The following PTK2 variants were observed in gnomAD, a reference collection of about 807,000 sequenced individuals.
PTK2 encodes focal adhesion kinase 1.
In PTK2, 45 loss-of-function variants were observed where a neutral mutation model predicts 150.1. The observed-to-expected ratio is 0.30, with a 90% CI of 0.24 to 0.38. The LOEUF is 0.38. Ranked by LOEUF, PTK2 falls within the 10% of genes least tolerant of loss-of-function variation. The pLI, the probability that PTK2 is intolerant of heterozygous loss-of-function variation, is 1.00. For synonymous variants in PTK2, 432 were observed against 449.2 expected, an observed-to-expected ratio of 0.96 and a Z score of 0.48; for missense variants, 919 against 1,307.3, an observed-to-expected ratio of 0.70 and a Z score of 4.58.
At chr8:140,793,012 T>C (rs1189700304) in intron 13 of PTK2, among the ~76,000 whole-genome samples, 1 of 152,216 alleles carries the variant, frequency 6.6e-6, no homozygotes, top group African/African-American at 2.4e-5. Flanking sequence ...ATTATTTCTC[T>C]TTAATTTTCA....
At chr8:140,720,213 C>T (rs887648797) in intron 22 of PTK2, among the ~76,000 whole-genome samples, 2 of 151,988 alleles carry the variant, frequency 1.3e-5, no homozygotes, top group Admixed American at 6.6e-5. Context: ...AAAATAAATA[C>T]CTTTATATTT....
At chr8:140,980,064 C>T (rs2100190834) in intron 1 of PTK2, among the ~76,000 whole-genome samples, 1 of 152,186 alleles carries the variant, frequency 6.6e-6, no homozygotes, top group Non-Finnish European at 1.5e-5. Flanking sequence ...AGCCCTATAA[C>T]TCAGCAATCA....
intron 27 of PTK2, among the ~76,000 whole-genome samples, chr8:140,686,104 G>A (rs1202423536): frequency 1.3e-5 from 2 of 152,176 alleles, no homozygotes; most frequent in African/African-American, 4.8e-5. Flanking sequence ...GGAGCTAGAG[G>A]TCATTATCAT....
At chr8:140,798,605 C>CT (rs2100093093) in intron 12 of PTK2, among the ~76,000 whole-genome samples, 2 of 152,074 alleles carry the variant, frequency 1.3e-5, no homozygotes, top group Non-Finnish European at 2.9e-5. Flanking sequence ...AAGATGTTTA[C>CT]GTTTTAAACA....
chr8:140,754,505 T>C (rs1363675271), intron 16 of PTK2, among the ~76,000 whole-genome samples: 3 of 152,172 alleles, frequency 2.0e-5, no homozygotes, highest in Admixed American at 6.5e-5. Context: ...TGACCGAAAA[T>C]GTCCATTTTA....
intron 1 of PTK2, among the ~76,000 whole-genome samples, chr8:140,959,455 C>T (rs1465725279): frequency 2.0e-5 from 3 of 147,954 alleles, no homozygotes; most frequent in Non-Finnish European, 3.0e-5. Flanking sequence ...AAGAGAATGG[C>T]GTGAACCCAG....
At chr8:140,695,329 A>G (rs748981088) in intron 26 of PTK2, among the ~76,000 whole-genome samples, 4 of 150,994 alleles carry the variant, frequency 2.6e-5, no homozygotes, top group Admixed American at 2.0e-4. Flanking sequence ...TATTTGAATG[A>G]CCACTCAACT....
intron 2 of PTK2, among the ~76,000 whole-genome samples, chr8:140,919,359 A>C (rs899835061): frequency 6.6e-6 from 1 of 152,204 alleles, no homozygotes; most frequent in Non-Finnish European, 1.5e-5. Flanking sequence ...TGTTTCCATC[A>C]ATCACTTTGG....
At chr8:140,933,860 A>T (rs1416877162) in intron 1 of PTK2, among the ~76,000 whole-genome samples, 1 of 152,226 alleles carries the variant, frequency 6.6e-6, no homozygotes, top group African/African-American at 2.4e-5. Context: ...TCAATTTAAA[A>T]AAAAAGACAC....
intron 13 of PTK2, among the ~76,000 whole-genome samples, chr8:140,792,691 G>A (rs1178114134): frequency 6.6e-6 from 1 of 152,210 alleles, no homozygotes; most frequent in Non-Finnish European, 1.5e-5. Context: ...GGAGAAGAAG[G>A]AGAGGGACAG....
At chr8:140,768,858 T>C (rs1349305742) in intron 14 of PTK2, among the ~76,000 whole-genome samples, 3 of 152,196 alleles carry the variant, frequency 2.0e-5, no homozygotes, top group Non-Finnish European at 4.4e-5. Context: ...ATACTCGTTA[T>C]CAATATCTCT....
At chr8:140,784,879 C>T (rs1297095488) in intron 14 of PTK2, among the ~76,000 whole-genome samples, 1 of 152,224 alleles carries the variant, frequency 6.6e-6, no homozygotes, top group Admixed American at 6.5e-5. Flanking sequence ...ATATATTCAA[C>T]ATCAACTGTC....
At chr8:140,802,509 G>T (rs1470566500) in intron 11 of PTK2, among the ~76,000 whole-genome samples, 2 of 152,028 alleles carry the variant, frequency 1.3e-5, no homozygotes, top group Non-Finnish European at 2.9e-5. Context: ...ACTGAAAAAG[G>T]TTTTAAAAAT....
At chr8:140,669,480 G>A (rs1393192333) in intron 29 of PTK2, 2 of 486,572 alleles carry the variant, frequency 4.1e-6, no homozygotes, top group African/African-American at 3.9e-5. Flanking sequence ...TTAATTCTTG[G>A]TTGTTCCAAA....
chr8:140,903,548 T>C (rs2100159626), intron 2 of PTK2, among the ~76,000 whole-genome samples: 1 of 152,172 alleles, frequency 6.6e-6, no homozygotes, highest in African/African-American at 2.4e-5. Flanking sequence ...AGAAAGTCAA[T>C]GGGAGCTTCA....
exon 32 of PTK2, chr8:140,658,749 C>T (rs556686234): frequency 5.0e-5 from 11 of 221,114 alleles, no homozygotes; most frequent in African/African-American, 1.8e-4. Flanking sequence ...ATTTCTGCTT[C>T]CAAGAGAAAT....
chr8:140,661,667 G>A (rs761172800), intron 31 of PTK2, among the ~76,000 whole-genome samples: 2 of 152,056 alleles, frequency 1.3e-5, no homozygotes, highest in Non-Finnish European at 2.9e-5. Context: ...CACACTCAAG[G>A]GTGGCAGGGA....
intron 7 of PTK2, among the ~76,000 whole-genome samples, chr8:140,838,361 TC>T (rs2100120087): frequency 6.6e-6 from 1 of 152,208 alleles, no homozygotes; most frequent in African/African-American, 2.4e-5. Flanking sequence ...CTGCTGGGGT[TC>T]CCAGTTGCTC....
chr8:140,849,622 T>C (rs2100127892), intron 5 of PTK2, among the ~76,000 whole-genome samples: 1 of 152,202 alleles, frequency 6.6e-6, no homozygotes, highest in African/African-American at 2.4e-5. Flanking sequence ...ATCCCCATTT[T>C]ATAGCCTCAG....
Sources: gnomAD v4.1 joint callset for allele counts (sites outside exome capture counted in the v4.1 genomes callset) on GRCh38, gnomAD v4.1.1 for gene constraint, MANE v1.5 for transcripts, NCBI Gene and HGNC (gene_info 2026-07-23, HGNC 2026-07-21) for gene names.